PTPRM: variants seen among roughly 807,000 people sequenced by gnomAD.
PTPRM encodes protein tyrosine phosphatase receptor type M.
PTPRM carries 47 observed loss-of-function variants against 186.7 expected under a neutral mutation model. The observed-to-expected ratio is 0.25, with a 90% CI of 0.20 to 0.32. PTPRM has a LOEUF of 0.32. Among genes scored for constraint, PTPRM ranks in the 10% least tolerant of loss-of-function variants. PTPRM has a pLI of 1.00. For missense variants in PTPRM, 1,494 were observed against 1,865.0 expected, an observed-to-expected ratio of 0.80 and a Z score of 3.66; for synonymous variants, 668 against 674.9, an observed-to-expected ratio of 0.99 and a Z score of 0.16.
chr18:8,249,137 A>G (rs1044812401), intron 17 of PTPRM, among the ~76,000 whole-genome samples: 5 of 152,216 alleles, frequency 3.3e-5, no homozygotes, highest in African/African-American at 1.2e-4. Context: ...TTCCACCCTC[A>G]GTTGTTCGAC....
chr18:8,024,049 T>G (rs1036106448), intron 7 of PTPRM, among the ~76,000 whole-genome samples: 2 of 152,150 alleles, frequency 1.3e-5, no homozygotes, highest in African/African-American at 4.8e-5. Context: ...GTTGGTGTCA[T>G]AGGTCCATAG....
intron 19 of PTPRM, among the ~76,000 whole-genome samples, chr18:8,294,976 A>C (rs968090315): frequency 6.6e-6 from 1 of 152,224 alleles, no homozygotes. Context: ...AGCAGTGTCC[A>C]TATCCACCAG....
In PTPRM at chr18:8,211,569, A is replaced by AT. The variant is rs541872219; in HGVS notation, c.2301-32482dup. On this transcript the variant is annotated intron_variant, in intron 14 of 32. Transcript: ENST00000580170. Reference sequence around the variant, plus strand: ...CAGGCACCCGCCACCACCCCTGGCTATTTTTTTCTATCTTTAGTAGAGACA... The same window carrying AT: ...CAGGCACCCGCCACCACCCCTGGCTATTTTTTTTCTATCTTTAGTAGAGACA... Among the ~76,000 whole-genome samples the AT allele has an allele frequency of 1.2e-3, 181 of 150,754 alleles. 2 individuals are homozygous for AT. In the East Asian group the frequency reaches 0.034, roughly 28 times the overall value.
intron 2 of PTPRM, among the ~76,000 whole-genome samples, chr18:7,863,607 C>T (rs1175165138): frequency 1.3e-5 from 2 of 152,144 alleles, no homozygotes; most frequent in Non-Finnish European, 2.9e-5. Flanking sequence ...CACTGATGGG[C>T]ATTTGGGTTG....
At chr18:7,812,735 T>G (rs2044595820) in intron 2 of PTPRM, among the ~76,000 whole-genome samples, 1 of 152,178 alleles carries the variant, frequency 6.6e-6, no homozygotes, top group Admixed American at 6.5e-5. Flanking sequence ...TTTTTTTTTT[T>G]TCTTTGACAG....
intron 2 of PTPRM, among the ~76,000 whole-genome samples, chr18:7,867,656 G>C (rs895095900): frequency 3.9e-5 from 6 of 152,134 alleles, no homozygotes; most frequent in African/African-American, 1.4e-4. Flanking sequence ...CAACCTTGTT[G>C]AATCTGATGA....
intron 7 of PTPRM, among the ~76,000 whole-genome samples, chr18:7,991,211 T>G (rs1030092625): frequency 6.6e-6 from 1 of 152,180 alleles, no homozygotes; most frequent in Non-Finnish European, 1.5e-5. Flanking sequence ...CTGTTAAACA[T>G]GATTTATGTT....
chr18:8,172,809 T>C (rs754203170), intron 14 of PTPRM, among the ~76,000 whole-genome samples: 3 of 152,118 alleles, frequency 2.0e-5, no homozygotes. Flanking sequence ...TGCTTTAAGA[T>C]CATCTCACCA....
chr18:7,843,754 A>G (rs941267367), intron 2 of PTPRM, among the ~76,000 whole-genome samples: 8 of 152,210 alleles, frequency 5.3e-5, no homozygotes, highest in African/African-American at 1.9e-4. Flanking sequence ...AATCATTGTT[A>G]TGCCTCTCAG....
At chr18:7,932,722 TGA>T (rs2051562311) in intron 5 of PTPRM, among the ~76,000 whole-genome samples, 1 of 152,074 alleles carries the variant, frequency 6.6e-6, no homozygotes, top group South Asian at 2.1e-4. Context: ...ACAATATAAT[TGA>T]GAGTTTTACT....
At chr18:8,292,554 A>G (rs1481258026) in intron 19 of PTPRM, among the ~76,000 whole-genome samples, 2 of 152,236 alleles carry the variant, frequency 1.3e-5, no homozygotes, top group Non-Finnish European at 2.9e-5. Context: ...AGTGACATTT[A>G]TCTATGGAGG....
At chr18:8,018,428 C>G (rs2085009528) in intron 7 of PTPRM, among the ~76,000 whole-genome samples, 1 of 152,176 alleles carries the variant, frequency 6.6e-6, no homozygotes, top group South Asian at 2.1e-4. Flanking sequence ...TTACGCACCC[C>G]TCATTGTCAC....
chr18:8,389,880 C>T (rs2148567740), intron 31 of PTPRM, among the ~76,000 whole-genome samples: 1 of 152,246 alleles, frequency 6.6e-6, no homozygotes, highest in African/African-American at 2.4e-5. Flanking sequence ...CCTGCCGGTG[C>T]TTTGAAGTGA....
chr18:8,102,638 C>A (rs1372416274), intron 11 of PTPRM, among the ~76,000 whole-genome samples: 1 of 152,214 alleles, frequency 6.6e-6, no homozygotes, highest in Non-Finnish European at 1.5e-5. Context: ...TCCACCACAT[C>A]TGAGGTGACT....
At chr18:8,197,824 T>C (rs904814822) in intron 14 of PTPRM, among the ~76,000 whole-genome samples, 1 of 152,200 alleles carries the variant, frequency 6.6e-6, no homozygotes, top group African/African-American at 2.4e-5. Flanking sequence ...AACAAGATAA[T>C]ATTCTCTAAT....
intron 13 of PTPRM, among the ~76,000 whole-genome samples, chr18:8,139,610 C>T (rs1030089961): frequency 1.9e-4 from 29 of 152,158 alleles, no homozygotes; most frequent in African/African-American, 7.0e-4. Context: ...TCACCTTCTC[C>T]GCAGTTCACC....
At chr18:7,740,882 ATTAAT>A (rs2040871661) in intron 1 of PTPRM, among the ~76,000 whole-genome samples, 1 of 152,208 alleles carries the variant, frequency 6.6e-6, no homozygotes, top group South Asian at 2.1e-4. Context: ...GCATTATTAG[ATTAAT>A]TTATAGCTAC....
intron 13 of PTPRM, among the ~76,000 whole-genome samples, chr18:8,120,302 A>G (rs754390997): frequency 6.6e-6 from 1 of 152,148 alleles, no homozygotes; most frequent in Non-Finnish European, 1.5e-5. Flanking sequence ...ATCATATAAA[A>G]ATCCTTCCTG....
At chr18:8,355,773 C>T (rs193071135) in intron 23 of PTPRM, among the ~76,000 whole-genome samples, 8 of 152,258 alleles carry the variant, frequency 5.3e-5, no homozygotes, top group Non-Finnish European at 8.8e-5. Context: ...ATATTATAAG[C>T]TCAAAATGTT....
Sources: allele counts gnomAD v4.1 joint callset (sites outside exome capture counted in the v4.1 genomes callset), GRCh38; gene constraint gnomAD v4.1.1; transcripts MANE v1.5; gene names NCBI Gene and HGNC (gene_info 2026-07-23, HGNC 2026-07-21).